The following NYNRIN variants were observed in gnomAD, a reference collection of about 807,000 sequenced individuals.
NYNRIN encodes NYN domain and retroviral integrase containing.
Under a neutral mutation model 146.6 loss-of-function variants are expected in NYNRIN, and 86 were observed. The observed-to-expected ratio is 0.59, with a 90% CI of 0.49 to 0.70. The LOEUF (loss-of-function observed/expected upper bound fraction) is 0.70. NYNRIN is among the 30% of genes least tolerant of loss of function. NYNRIN has a pLI of 0.00. For missense variants in NYNRIN, 2,191 were observed against 2,377.7 expected (o/e 0.92, Z 1.63); for synonymous variants, 1,027 against 1,001.3 (o/e 1.03, Z -0.48).
chr14:24,410,682 G>T (rs916323776), intron 4 of NYNRIN, among the ~76,000 whole-genome samples: 1 of 152,186 alleles, frequency 6.6e-6, no homozygotes, highest in African/African-American at 2.4e-5. Flanking sequence ...ATAAACATGT[G>T]CATGCCACAT....
At chr14:24,402,352 C>T (rs1022876733) in intron 2 of NYNRIN, among the ~76,000 whole-genome samples, 1 of 152,062 alleles carries the variant, frequency 6.6e-6, no homozygotes, top group Non-Finnish European at 1.5e-5. Context: ...ACCCTTCTCC[C>T]CTTTGGCAGT....
chr14:24,406,586 C>T (rs1330243169), intron 2 of NYNRIN, among the ~76,000 whole-genome samples: 1 of 152,184 alleles, frequency 6.6e-6, no homozygotes, highest in Admixed American at 6.5e-5. Flanking sequence ...TCTGTGGCCT[C>T]GGCCAGGTGG....
In NYNRIN at chr14:24,399,276, G is replaced by C. The variant is rs760538685; in HGVS notation, c.30G>C (p.Ala10=). Residue 10 remains alanine, a synonymous_variant, in exon 2 of 9, where the codon GCG becomes GCC. Coordinates refer to ENST00000382554, the MANE Select transcript of NYNRIN (RefSeq NM_025081.3). ...TCCTGTCTGGGGGCGATCCTCCGGCGCAGGAATGGTTCATGGTGCAGACAA... is the reference window on the plus strand; with the variant it reads ...TCCTGTCTGGGGGCGATCCTCCGGCCCAGGAATGGTTCATGGTGCAGACAA... The part of the protein sequence containing the change: MLLSGGDPP[A]QEWFMVQTKS... The C allele has an allele frequency of 3.1e-6, 5 of 1,613,888 alleles. No individual in the cohort carries two copies. The highest frequency in any genetic ancestry group is 3.3e-4 in the Middle Eastern group (2 of 6,060).
At position 24,414,695 on chromosome 14, in the gene NYNRIN, C is replaced by G. The variant is rs767242600; in HGVS notation, c.2946C>G (p.Pro982=). ...TELSDDADSG[P]LESLPNMEEV... The stretch of plus-strand genomic sequence containing the variant: ...TGAGTGATGACGCTGACTCTGGGCC[C>G]CTGGAGAGTCTGCCGAATATGGAAG... The change falls in exon 9 of 9, where the codon CCC becomes CCG. Residue 982 remains proline (P), a synonymous_variant. Transcript: ENST00000382554. The G allele has an allele frequency of 5.0e-6, 8 of 1,613,608 alleles. No individual in the cohort carries two copies. Among genetic ancestry groups the G allele is most frequent in the Non-Finnish European group, 3.4e-6 (4 of 1,179,726 alleles).
At chr14:24,407,619 G>C (rs545193112) in intron 2 of NYNRIN, among the ~76,000 whole-genome samples, 1 of 152,312 alleles carries the variant, frequency 6.6e-6, no homozygotes, top group East Asian at 1.9e-4. Flanking sequence ...TGCAACCTGG[G>C]TTCTTTCCCT....
intron 2 of NYNRIN, among the ~76,000 whole-genome samples, chr14:24,400,852 T>C (rs1293024453): frequency 1.3e-5 from 2 of 151,866 alleles, no homozygotes; most frequent in African/African-American, 4.8e-5. Context: ...GGCGTGGTCT[T>C]GGCTCACTGC....
chr14:24,404,478 T>TC (rs1307941360), intron 2 of NYNRIN, among the ~76,000 whole-genome samples: 3 of 152,224 alleles, frequency 2.0e-5, no homozygotes, highest in Non-Finnish European at 2.9e-5. Flanking sequence ...AGTTTTCTTC[T>TC]CCCCCCTAGT....
At position 24,418,303 on chromosome 14, in the gene NYNRIN, A is replaced by G. The variant is rs547921641; in HGVS notation, c.*857A>G. ...ACCCAGGGGCCCCGGCCTCTGTTTT[A>G]AGGGGGCAGGGCGTCTGCAACAGGA... is the stretch of plus-strand genomic sequence containing the variant. On this transcript the variant is annotated 3_prime_UTR_variant, in exon 9 of 9. Transcript: ENST00000382554. 27 of 456,188 alleles carry G rather than the reference A, an allele frequency of 5.9e-5. No individual in the cohort carries two copies. The East Asian group carries it at 1.7e-3, about 29-fold the overall frequency. 28.3% of individuals were successfully genotyped at this position (456,188 alleles called of 1,614,324 possible). A position where few individuals can be genotyped will look rare whatever the true frequency, so the allele number is the denominator to read the frequency against.
intron 2 of NYNRIN, among the ~76,000 whole-genome samples, chr14:24,402,705 A>G (rs1322350889): frequency 6.6e-6 from 1 of 152,208 alleles, no homozygotes; most frequent in East Asian, 1.9e-4. Context: ...GGCAAATGCG[A>G]CAAATCAAGG....
Position 24,417,266 on chromosome 14 carries a change from G to C in NYNRIN, c.5517G>C (p.Arg1839Ser), listed in dbSNP as rs975820379. 19 of 1,614,062 alleles carry C rather than the reference G, an allele frequency of 1.2e-5. No homozygotes were observed. The highest frequency in any genetic ancestry group is 1.6e-5 in the Non-Finnish European group (19 of 1,179,894). Residue 1839 changes from arginine (R) to serine (S), a missense_variant, in exon 9 of 9, where the codon AGG becomes AGC. Arg to Ser is a moderately radical substitution (Grantham distance 110). Coordinates refer to ENST00000382554, the MANE Select transcript of NYNRIN (RefSeq NM_025081.3). ...GDQVLLLSLPRNGSSAKWVGP... is the reference protein window; with the variant it reads ...GDQVLLLSLPSNGSSAKWVGP... ...AGGTCCTTTTGCTGTCCCTCCCCAG[G>C]AATGGCAGCAGTGCCAAATGGGTGG... is the stretch of plus-strand genomic sequence containing the variant.
chr14:24,408,260 C>T lies in NYNRIN; in HGVS notation c.590C>T (p.Ala197Val), dbSNP rs905159667. Residue 197 changes from alanine (A) to valine (V), a missense_variant, in exon 3 of 9, where the codon GCG becomes GTG. By Grantham distance (64) the Ala-to-Val change is moderately conservative. This residue lies in a region of NYNRIN where 895 missense variants were observed against 941.2 expected (regional missense o/e 0.95). Coordinates refer to ENST00000382554, the MANE Select transcript of NYNRIN (RefSeq NM_025081.3). ...ELLLSLVRDAAGKEDIIEWLS... is the reference protein window; with the variant it reads ...ELLLSLVRDAVGKEDIIEWLS... ...CTGCTGAGCCTGGTGCGGGATGCTG[C>T]GGGCAAGGAAGACATCATCGAGTGG... 1.2e-5 allele frequency: 20 copies of T among 1,610,182 alleles called. No individual in the cohort carries two copies. The highest frequency in any genetic ancestry group is 2.7e-5 in the African/African-American group (2 of 74,910).
In NYNRIN at chr14:24,409,480, A is replaced by T. The variant is rs377093455; in HGVS notation, c.1686A>T (p.Gln562His). 2 of 1,613,840 alleles carry T rather than the reference A, an allele frequency of 1.2e-6. No homozygotes were observed. The highest frequency in any genetic ancestry group is 1.3e-5 in the African/African-American group (1 of 74,948). The change falls in exon 4 of 9, where the codon CAA becomes CAT. Residue 562 changes from glutamine (Q) to histidine (H), a missense_variant. By Grantham distance (24) the Gln-to-His change is conservative. Around this residue, in one of 3 missense-constraint regions of NYNRIN, gnomAD observed 895 missense variants for 941.2 expected, o/e 0.95. Transcript: ENST00000382554. ...AAGCTGAAAATCCCTCCAGAACTCA[A>T]GTGCCATCTGCAGCTCCCAAACTGC... ...VPKAENPSRT[Q>H]VPSAAPKLPT...
chr14:24,417,582 T>C lies in NYNRIN; in HGVS notation c.*136T>C, dbSNP rs2042957057. 2.4e-6 allele frequency: 3 copies of C among 1,244,698 alleles called. No individual in the cohort carries two copies. The highest frequency in any genetic ancestry group is 1.5e-5 in the African/African-American group (1 of 66,472). The allele number at this position is 1,244,698 out of a possible 1,614,324, so 77.1% of individuals were successfully genotyped here. A position where few individuals can be genotyped will look rare whatever the true frequency, so the allele number is the denominator to read the frequency against. On this transcript the variant is annotated 3_prime_UTR_variant, in exon 9 of 9. Transcript: ENST00000382554. ...TGTAGAGAACTTGCTTCATAAAGCT[T>C]TGCTGAATTGCCTTGAACTAGGGAC...
At position 24,416,685 on chromosome 14, in the gene NYNRIN, G is replaced by C; in HGVS notation, c.4936G>C (p.Val1646Leu). 2.5e-6 allele frequency: 4 copies of C among 1,613,932 alleles called. No individual in the cohort carries two copies. Among genetic ancestry groups the C allele is most frequent in the Non-Finnish European group, 3.4e-6 (4 of 1,179,872 alleles). The change falls in exon 9 of 9, where the codon GTG becomes CTG. Residue 1646 changes from valine (V) to leucine (L), a missense_variant. Coordinates refer to ENST00000382554, the MANE Select transcript of NYNRIN (RefSeq NM_025081.3). Reference sequence around the variant, plus strand: ...TGTGGCTGACCCAAACACCAGGTGGGTGGAGGCATTCCCCCTGAAGCCCTA... The same window carrying C: ...TGTGGCTGACCCAAACACCAGGTGGCTGGAGGCATTCCCCCTGAAGCCCTA... ...LIVADPNTRW[V>L]EAFPLKPYTH...
In NYNRIN at chr14:24,415,757, C is replaced by T. The variant is rs763566221; in HGVS notation, c.4008C>T (p.Ser1336=). 1 of 1,613,780 alleles carries T rather than the reference C, an allele frequency of 6.2e-7. No individual in the cohort carries two copies. Among genetic ancestry groups the T allele is most frequent in the Non-Finnish European group, 8.5e-7 (1 of 1,179,784 alleles). ...GTCTCTATGTTCTATCGCCCACCAGCCCCCCTGTCTCCCTTTCCTTCTCCT... is the reference window on the plus strand; with the variant it reads ...GTCTCTATGTTCTATCGCCCACCAGTCCCCCTGTCTCCCTTTCCTTCTCCT... ...GFGLYVLSPT[S]PPVSLSFSCS... The change falls in exon 9 of 9, where the codon AGC becomes AGT. Residue 1336 remains serine, a synonymous_variant. Transcript: ENST00000382554.
chr14:24,412,295 T>C (rs1216889940), intron 6 of NYNRIN, among the ~76,000 whole-genome samples: 1 of 152,176 alleles, frequency 6.6e-6, no homozygotes, highest in Admixed American at 6.5e-5. Flanking sequence ...GTCCCTCTGC[T>C]GGGCACTTGA....
intron 2 of NYNRIN, among the ~76,000 whole-genome samples, chr14:24,400,822 T>G (rs1407961732): frequency 6.6e-6 from 1 of 151,630 alleles, no homozygotes. Flanking sequence ...TTCACTCTGT[T>G]GCCCAGGCTG....
At position 24,415,207 on chromosome 14, in the gene NYNRIN, C is replaced by T. The variant is rs1478003248; in HGVS notation, c.3458C>T (p.Ala1153Val). 1 of 1,611,296 alleles carries T rather than the reference C, an allele frequency of 6.2e-7. No homozygotes were observed. The highest frequency in any genetic ancestry group is 1.6e-4 in the Middle Eastern group (1 of 6,062). Residue 1153 changes from alanine to valine, a missense_variant, in exon 9 of 9, where the codon GCC (alanine) becomes GTC (valine). Ala to Val is a moderately conservative substitution (Grantham distance 64). Around this residue, in one of 3 missense-constraint regions of NYNRIN, gnomAD observed 1,291 missense variants for 1,417.0 expected, o/e 0.91. Transcript: ENST00000382554. ...RALVSALCLM[A>V]PNSQLPFRLE... ...CTGGTGTCTGCCCTCTGCCTGATGG[C>T]CCCCAACTCCCAGCTGCCCTTCCGC...
In NYNRIN at chr14:24,409,422, C is replaced by G. The variant is rs1404079617; in HGVS notation, c.1628C>G (p.Thr543Ser). The G allele has an allele frequency of 6.2e-7, 1 of 1,614,046 alleles. No homozygotes were observed. The highest frequency in any genetic ancestry group is 1.1e-5 in the South Asian group (1 of 91,084). Residue 543 changes from threonine to serine, a missense_variant, in exon 4 of 9, where the codon ACT becomes AGT. By Grantham distance (58) the Thr-to-Ser change is moderately conservative. Around this residue, in one of 3 missense-constraint regions of NYNRIN, gnomAD observed 895 missense variants for 941.2 expected, o/e 0.95. Transcript: ENST00000382554. ...SVPGAQTVPE[T>S]LKVPMAAAVP... is the part of the protein sequence containing the mutation. ...CCTGGAGCTCAAACAGTGCCTGAAACTCTCAAAGTGCCCATGGCTGCAGCA... is the reference window on the plus strand; with the variant it reads ...CCTGGAGCTCAAACAGTGCCTGAAAGTCTCAAAGTGCCCATGGCTGCAGCA...
Sources: gnomAD v4.1 joint callset for allele counts (sites outside exome capture counted in the v4.1 genomes callset) on GRCh38, gnomAD v4.1.1 for gene constraint, gnomAD v4.1.1 regional missense constraint, MANE v1.5 for transcripts, NCBI Gene and HGNC (gene_info 2026-07-23, HGNC 2026-07-21) for gene names.